The following MAP4K4 variants were observed in gnomAD, a reference collection of about 807,000 sequenced individuals.
The protein encoded by MAP4K4 is mitogen-activated protein kinase kinase kinase kinase 4, also known as HPK/GCK-like kinase HGK.
MAP4K4 carries 38 observed loss-of-function variants against 189.6 expected under a neutral mutation model. The ratio of observed to expected loss-of-function variants is 0.20; its 90% CI spans 0.15 to 0.26. The LOEUF (loss-of-function observed/expected upper bound fraction) is 0.26. MAP4K4 is among the 10% of genes least tolerant of loss of function. MAP4K4 has a pLI of 1.00. For missense variants in MAP4K4, 1,054 were observed against 1,726.9 expected (o/e 0.61, Z 6.91); for synonymous variants, 610 against 624.3 (o/e 0.98, Z 0.34).
intron 2 of MAP4K4, among the ~76,000 whole-genome samples, chr2:101,729,305 G>A (rs1444313896): frequency 1.3e-5 from 2 of 151,754 alleles, no homozygotes; most frequent in Admixed American, 6.6e-5. Context: ...ACAGTGCTCC[G>A]TAGTACAATC....
intron 7 of MAP4K4, among the ~76,000 whole-genome samples, chr2:101,834,170 C>T (rs550435632): frequency 8.6e-4 from 121 of 141,446 alleles, no homozygotes; most frequent in African/African-American, 3.2e-3. Flanking sequence ...TCCTTCCTTT[C>T]CTTCCCTCCC....
intron 26 of MAP4K4, 22 bp from the exon 27 acceptor site, chr2:101,876,981 C>A (rs775774010): frequency 3.7e-6 from 6 of 1,613,008 alleles, no homozygotes; most frequent in South Asian, 3.3e-5. Context: ...AAAATTGAGG[C>A]CTTTCTGTGT....
chr2:101,795,974 A>G (rs2093641746), intron 3 of MAP4K4, among the ~76,000 whole-genome samples: 1 of 152,220 alleles, frequency 6.6e-6, no homozygotes, highest in African/African-American at 2.4e-5. Flanking sequence ...TTTGCTTTGG[A>G]TAAATCAAGG....
chr2:101,872,255 A>G (rs1234089561), intron 24 of MAP4K4, among the ~76,000 whole-genome samples: 1 of 151,998 alleles, frequency 6.6e-6, no homozygotes, highest in Non-Finnish European at 1.5e-5. Flanking sequence ...TGACATTTAC[A>G]ATCACTCAGA....
chr2:101,880,439 T>TA (rs1247903198), intron 27 of MAP4K4, among the ~76,000 whole-genome samples: 1 of 152,186 alleles, frequency 6.6e-6, no homozygotes, highest in African/African-American at 2.4e-5. Flanking sequence ...CAGCATTCAT[T>TA]AAAAAGACTA....
intron 12 of MAP4K4, 123 bp downstream of exon 12, chr2:101,844,434 C>A (rs1209592273): frequency 2.7e-6 from 2 of 747,968 alleles, no homozygotes; most frequent in East Asian, 5.4e-5. Flanking sequence ...CCTGGCACAG[C>A]TGTTTACATA....
intron 12 of MAP4K4, among the ~76,000 whole-genome samples, chr2:101,855,527 G>T (rs529723881): frequency 2.0e-4 from 31 of 152,306 alleles, no homozygotes; most frequent in African/African-American, 7.0e-4. Flanking sequence ...GTTGACGTCA[G>T]TTCCTCTTTT....
chr2:101,863,832 C>T (rs1383127497), exon 17 of MAP4K4: 2 of 1,367,276 alleles, frequency 1.5e-6, no homozygotes, highest in African/African-American at 3.0e-5. Context: ...TACAGTGGTC[C>T]CACCTGGCAT....
At chr2:101,827,710 G>A (rs961398769) in intron 5 of MAP4K4, among the ~76,000 whole-genome samples, 1 of 152,134 alleles carries the variant, frequency 6.6e-6, no homozygotes, top group South Asian at 2.1e-4. Flanking sequence ...GCAGGCCAGC[G>A]TGTTCTTTTC....
At chr2:101,806,551 T>C (rs2149073032) in intron 3 of MAP4K4, among the ~76,000 whole-genome samples, 1 of 152,232 alleles carries the variant, frequency 6.6e-6, no homozygotes, top group African/African-American at 2.4e-5. Flanking sequence ...TATTTTTATA[T>C]ATATTTTTAG....
intron 3 of MAP4K4, among the ~76,000 whole-genome samples, chr2:101,797,888 A>ATTTTT (rs1558971586): frequency 2.6e-4 from 2 of 7,622 alleles, no homozygotes; most frequent in African/African-American, 7.1e-4. Context: ...ACATTCTTTT[A>ATTTTT]GTTTTTTTTT....
chr2:101,772,326 C>G (rs1404433578), intron 2 of MAP4K4, among the ~76,000 whole-genome samples: 1 of 152,208 alleles, frequency 6.6e-6, no homozygotes. Flanking sequence ...GCAGTTGACA[C>G]AGCTGAAAAA....
intron 12 of MAP4K4, 137 bp from the exon 13 acceptor site, chr2:101,855,840 A>T: frequency 1.4e-6 from 1 of 727,048 alleles, no homozygotes; most frequent in Non-Finnish European, 2.2e-6. Context: ...CAGTGTGGAA[A>T]TAATTGGCCA....
chr2:101,873,798 AATGGGACTTT>A, intron 25 of MAP4K4, 34 bp downstream of exon 25: 5 of 1,446,046 alleles, frequency 3.5e-6, no homozygotes, highest in Non-Finnish European at 4.8e-6. Flanking sequence ...GCAGCTGACA[AATGGGACTTT>A]ATCTTTGAGT....
chr2:101,863,924 G>A (rs751478495), exon 17 of MAP4K4: 4 of 1,367,560 alleles, frequency 2.9e-6, no homozygotes, highest in Non-Finnish European at 2.9e-6. Context: ...CACCATCTTC[G>A]TTCTCAGGAC....
intron 2 of MAP4K4, among the ~76,000 whole-genome samples, chr2:101,744,650 C>T (rs1283822284): frequency 2.6e-5 from 4 of 151,928 alleles, no homozygotes; most frequent in Non-Finnish European, 2.9e-5. Flanking sequence ...AGGTCCTAGG[C>T]GAGTTGGGCT....
intron 29 of MAP4K4, among the ~76,000 whole-genome samples, chr2:101,886,760 G>A (rs891772056): frequency 5.9e-5 from 9 of 152,146 alleles, no homozygotes; most frequent in South Asian, 2.1e-4. Context: ...TAAGTTCTCC[G>A]GCCGGGCGTG....
At chr2:101,862,564 A>G (rs1316965640) in intron 16 of MAP4K4, among the ~76,000 whole-genome samples, 1 of 152,216 alleles carries the variant, frequency 6.6e-6, no homozygotes, top group Non-Finnish European at 1.5e-5. Flanking sequence ...TTGGCCACTA[A>G]TAGTTTAGAA....
intron 17 of MAP4K4, 43 bp from the exon 18 acceptor site, chr2:101,864,887 T>C (rs2149926575): frequency 7.7e-7 from 1 of 1,291,392 alleles, no homozygotes. Context: ...TTTTTTCCTT[T>C]TCATGTTTTC....
Sources: allele counts gnomAD v4.1 joint callset (sites outside exome capture counted in the v4.1 genomes callset), GRCh38; gene constraint gnomAD v4.1.1; transcripts MANE v1.5; gene names NCBI Gene and HGNC (gene_info 2026-07-23, HGNC 2026-07-21).